Variants in PRKCH observed in about 807,000 individuals in gnomAD.
PRKCH encodes protein kinase C eta, also known as protein kinase C eta type.
In PRKCH, 28 loss-of-function variants were observed where a neutral mutation model predicts 82.5. The observed-to-expected ratio is 0.34, with a 90% CI of 0.25 to 0.47. The LOEUF is 0.47. Ranked by LOEUF, PRKCH falls within the 20% of genes least tolerant of loss-of-function variation. The pLI, the probability that PRKCH is intolerant of heterozygous loss-of-function variation, is 1.00. For synonymous variants in PRKCH, 322 were observed against 327.4 expected (o/e 0.98, Z 0.18); for missense variants, 705 against 881.8 (o/e 0.80, Z 2.54).
chr14:61,280,547 C>T lies in PRKCH; in HGVS notation c.-19+92879C>T, dbSNP rs2045249781. 2 of 1,611,346 alleles carry T rather than the reference C, an allele frequency of 1.2e-6. No individual in the cohort carries two copies. Among genetic ancestry groups the T allele is most frequent in the East Asian group, 2.2e-5 (1 of 44,822 alleles). ...GGGTTGCGGAACTTGACGTGGTAGT[C>T]GGTCCACCAGGCGATGCCGGAGCGG... On this transcript the variant is annotated intron_variant, in intron 1 of 3. Transcript: ENST00000555185. This position sits in a 1 kb window ranked among gnomAD's most constrained non-coding sequence, Gnocchi z 5.0.
intron 1 of PRKCH, among the ~76,000 whole-genome samples, chr14:61,276,702 C>CTAAGGG (rs2045205615): frequency 5.2e-5 from 1 of 19,354 alleles, no homozygotes; most frequent in Non-Finnish European, 1.2e-4. Flanking sequence ...CTTCTTATAT[C>CTAAGGG]CAAGGAACTA....
intron 1 of PRKCH, among the ~76,000 whole-genome samples, chr14:61,218,339 C>T (rs2044629615): frequency 6.6e-6 from 1 of 152,186 alleles, no homozygotes; most frequent in African/African-American, 2.4e-5. Flanking sequence ...TGCAGGTAAG[C>T]TTCTGGGAAG....
intron 1 of PRKCH, among the ~76,000 whole-genome samples, chr14:61,192,942 A>G (rs1431118800): frequency 1.3e-5 from 2 of 152,236 alleles, no homozygotes; most frequent in African/African-American, 4.8e-5. Flanking sequence ...CCCAGCATGC[A>G]TCTAAAATGT....
chr14:61,207,106 C>CAAAAAAAAAAAAAA (rs71114196), intron 1 of PRKCH, among the ~76,000 whole-genome samples: 6 of 49,160 alleles, frequency 1.2e-4, no homozygotes, highest in East Asian at 1.7e-3. Context: ...AACTCCATCT[C>CAAAAAAAAAAAAAA]AAAAAAAAAA....
At chr14:61,342,898 G>A (rs1428436926) in intron 1 of PRKCH, among the ~76,000 whole-genome samples, 1 of 152,210 alleles carries the variant, frequency 6.6e-6, no homozygotes, top group African/African-American at 2.4e-5. Flanking sequence ...ATTAGACAAT[G>A]CCATGTAGAA....
intron 12 of PRKCH, among the ~76,000 whole-genome samples, chr14:61,538,947 C>T (rs1464233235): frequency 6.6e-6 from 1 of 152,210 alleles, no homozygotes; most frequent in Non-Finnish European, 1.5e-5. Context: ...CACTTCTCTT[C>T]AGTAGCTACA....
intron 1 of PRKCH, among the ~76,000 whole-genome samples, chr14:61,352,586 C>A (rs1029117193): frequency 6.6e-6 from 1 of 151,168 alleles, no homozygotes; most frequent in South Asian, 2.1e-4. Context: ...ATTGCTTGAA[C>A]CTGGGAGGTG....
At chr14:61,365,541 G>A (rs1399185889) in intron 1 of PRKCH, among the ~76,000 whole-genome samples, 1 of 152,048 alleles carries the variant, frequency 6.6e-6, no homozygotes, top group African/African-American at 2.4e-5. Context: ...TGGATTATTA[G>A]CAAGAACTTA....
intron 2 of PRKCH, among the ~76,000 whole-genome samples, chr14:61,441,256 A>G (rs1025055255): frequency 3.9e-5 from 6 of 152,074 alleles, no homozygotes; most frequent in African/African-American, 1.2e-4. Context: ...AAGCTCTTTG[A>G]ATGTGTTACC....
At chr14:61,364,805 G>T (rs763740288) in intron 1 of PRKCH, among the ~76,000 whole-genome samples, 1 of 151,940 alleles carries the variant, frequency 6.6e-6, no homozygotes, top group Non-Finnish European at 1.5e-5. Flanking sequence ...GCACCATTGC[G>T]CTCCAGCTCG....
chr14:61,518,972 C>A (rs2042865329), intron 10 of PRKCH, among the ~76,000 whole-genome samples: 1 of 152,058 alleles, frequency 6.6e-6, no homozygotes, highest in African/African-American at 2.4e-5. Context: ...GCCACCATAC[C>A]TGGCTAAGTT....
chr14:61,433,131 G>C (rs1229985185), intron 2 of PRKCH, among the ~76,000 whole-genome samples: 2 of 151,746 alleles, frequency 1.3e-5, no homozygotes, highest in Non-Finnish European at 2.9e-5. Context: ...TTAATCTTTG[G>C]TGTTGGATTT....
chr14:61,534,608 T>C (rs2043083503), intron 12 of PRKCH, among the ~76,000 whole-genome samples: 1 of 152,336 alleles, frequency 6.6e-6, no homozygotes, highest in South Asian at 2.1e-4. Context: ...GTCTTTGCCC[T>C]TAATTTTATA....
At chr14:61,333,833 T>A (rs578076589) in intron 1 of PRKCH, among the ~76,000 whole-genome samples, 2 of 152,344 alleles carry the variant, frequency 1.3e-5, no homozygotes, top group Admixed American at 6.5e-5. Context: ...ATTCACCCTC[T>A]TTTTGAGCTG....
At chr14:61,530,622 C>A in intron 12 of PRKCH, 27 bp downstream of exon 12, 2 of 1,562,392 alleles carry the variant, frequency 1.3e-6, no homozygotes, top group South Asian at 2.4e-5. Flanking sequence ...CAGCTAGCTT[C>A]TGATGTATTG....
intron 1 of PRKCH, 44 bp downstream of exon 1, chr14:61,322,508 G>A: frequency 6.4e-7 from 1 of 1,556,668 alleles, no homozygotes; most frequent in Non-Finnish European, 8.7e-7. Flanking sequence ...CCCAACCCCC[G>A]TTCCCCTTAT....
intron 10 of PRKCH, among the ~76,000 whole-genome samples, chr14:61,513,581 C>T (rs980898742): frequency 5.9e-5 from 9 of 151,864 alleles, no homozygotes; most frequent in African/African-American, 7.2e-5. Flanking sequence ...TTTTTCAGTC[C>T]GTTTAGGACC....
intron 1 of PRKCH, among the ~76,000 whole-genome samples, chr14:61,364,535 C>T (rs1427297495): frequency 2.0e-5 from 3 of 151,830 alleles, no homozygotes; most frequent in Non-Finnish European, 4.4e-5. Flanking sequence ...GCAGGGGGTG[C>T]TTTTAAGAAT....
Position 61,383,979 on chromosome 14 carries a change from G to A in PRKCH, c.364-7246G>A, listed in dbSNP as rs192086045. ...AGGGTGTTTTATTCTGAAGACTCTC[G>A]GAGACCAGCGGAGGCTTTAGAGGGG... On this transcript the variant is annotated intron_variant, in intron 1 of 13. Transcript: ENST00000332981. Among the ~76,000 whole-genome samples the A allele has an allele frequency of 1.1e-3, 168 of 152,222 alleles. 1 individual carries two copies. The highest frequency in any genetic ancestry group is 3.8e-3 in the African/African-American group (156 of 41,534).
Sources: gnomAD v4.1 joint callset for allele counts (sites outside exome capture counted in the v4.1 genomes callset) on GRCh38, gnomAD v4.1.1 for gene constraint, Gnocchi (gnomAD v3.1) non-coding constraint, MANE v1.5 for transcripts, NCBI Gene and HGNC (gene_info 2026-07-23, HGNC 2026-07-21) for gene names.